PFKP: variants seen among roughly 807,000 people sequenced by gnomAD.
PFKP encodes the protein ATP-dependent 6-phosphofructokinase, platelet type.
A neutral mutation model predicts 94.3 loss-of-function variants in PFKP; 101 were observed. That is an observed-to-expected ratio of 1.07 (90% CI 0.91 to 1.26). The LOEUF (loss-of-function observed/expected upper bound fraction) is 1.26. Among genes scored for constraint, PFKP ranks in the 50% most tolerant of loss-of-function variants. The pLI is 0.00. For synonymous variants in PFKP, 573 were observed against 432.6 expected (o/e 1.32, Z -4.03); for missense variants, 1,145 against 1,103.3 (o/e 1.04, Z -0.53).
At chr10:3,117,400 C>T (rs1423639038) in intron 14 of PFKP, among the ~76,000 whole-genome samples, 2 of 152,220 alleles carry the variant, frequency 1.3e-5, no homozygotes, top group African/African-American at 2.4e-5. Context: ...GAGTAATTCT[C>T]ACCTTTGATC....
At chr10:3,092,237 T>G (rs1263168200) in intron 2 of PFKP, among the ~76,000 whole-genome samples, 2 of 152,258 alleles carry the variant, frequency 1.3e-5, no homozygotes, top group Non-Finnish European at 2.9e-5. Context: ...TTCCCTTGTT[T>G]CAGCCCTGAG....
chr10:3,124,087 C>T (rs79255210), intron 16 of PFKP, among the ~76,000 whole-genome samples: 1,934 of 151,998 alleles, frequency 0.013, 39 homozygotes, highest in African/African-American at 0.044. Context: ...TCGGCCCACA[C>T]GGGCTCCAGG....
At chr10:3,096,008 T>C (rs1428861219) in intron 2 of PFKP, among the ~76,000 whole-genome samples, 3 of 152,168 alleles carry the variant, frequency 2.0e-5, no homozygotes, top group Non-Finnish European at 4.4e-5. Context: ...AATAATGAAA[T>C]TACTTTCAGA....
chr10:3,081,159 G>A (rs12570754), intron 1 of PFKP, among the ~76,000 whole-genome samples: 17,958 of 152,208 alleles, frequency 0.12, 1,331 homozygotes, highest in East Asian at 0.32. Flanking sequence ...TCTAAAATAT[G>A]TATCCCCAAG....
Position 3,101,460 on chromosome 10 carries a change from C to T in PFKP, c.360C>T (p.Thr120=), listed in dbSNP as rs997966576. The T allele has an allele frequency of 1.2e-6, 2 of 1,610,410 alleles. No individual in the cohort carries two copies. Among genetic ancestry groups the T allele is most frequent in the Admixed American group, 3.4e-5 (2 of 59,650 alleles). Residue 120 remains threonine, a synonymous_variant, in exon 4 of 22, where the codon ACC becomes ACT. Coordinates refer to ENST00000381125, the MANE Select transcript of PFKP (RefSeq NM_002627.5). ...AACNLLQRGI[T]NLCVIGGDGS... ...GCAACCTGCTGCAGCGCGGCATCAC[C>T]AACCTGTGTGTGATCGGCGGGGACG...
rs547271961 is a variant in PFKP, at chr10:3,136,432, C to T, written c.2226-18C>T. ...CAGTGACTGCAGGCCTCACTGCTGT[C>T]TCCTCTTACCTCCACAGGCACAGGA... On this transcript the variant is annotated intron_variant, in intron 21 of 21. Coordinates refer to ENST00000381125, the MANE Select transcript of PFKP (RefSeq NM_002627.5). 30 of 1,613,156 alleles carry T rather than the reference C, an allele frequency of 1.9e-5. No homozygotes were observed. The South Asian group carries it at 3.2e-4, about 17-fold the overall frequency.
chr10:3,120,093 C>T lies in PFKP; in HGVS notation c.1683+49C>T, dbSNP rs77518387. On this transcript the variant is annotated intron_variant, in intron 16 of 21. Transcript: ENST00000381125. Reference sequence around the variant, plus strand: ...GGCGGGCGCCGGCTGACGCTAACCCCGGGGCCCCGGCCCTTTTTATCTACC... The same window carrying T: ...GGCGGGCGCCGGCTGACGCTAACCCTGGGGCCCCGGCCCTTTTTATCTACC... 4.0e-3 allele frequency: 6,370 copies of T among 1,583,058 alleles called. 22 individuals carry two copies. Among genetic ancestry groups the T allele is most frequent in the Non-Finnish European group, 5.1e-3 (5,885 of 1,155,796 alleles).
In PFKP at chr10:3,116,638, G is replaced by T. The variant is rs1249054722; in HGVS notation, c.1372-138G>T. ...TCACCTTGATTCATCCGGGCATCGTGATAAATGCTGTCTCATACGCCTCTC... is the reference window on the plus strand; with the variant it reads ...TCACCTTGATTCATCCGGGCATCGTTATAAATGCTGTCTCATACGCCTCTC... On this transcript the variant is annotated intron_variant, in intron 13 of 21. Transcript: ENST00000381125. The T allele has an allele frequency of 1.7e-5, 12 of 696,290 alleles. No homozygotes were observed. In the East Asian group the frequency reaches 3.1e-4, roughly 18 times the overall value. 43.1% of individuals were successfully genotyped at this position (696,290 alleles called of 1,614,324 possible). A position where few individuals can be genotyped will look rare whatever the true frequency, so the allele number is the denominator to read the frequency against.
intron 13 of PFKP, among the ~76,000 whole-genome samples, chr10:3,114,725 C>G (rs1467590630): frequency 6.6e-6 from 1 of 152,234 alleles, no homozygotes; most frequent in African/African-American, 2.4e-5. Flanking sequence ...AAAGGATGCT[C>G]TGGAGCTGAT....
intron 10 of PFKP, among the ~76,000 whole-genome samples, chr10:3,111,955 G>T (rs183472847): frequency 6.6e-6 from 1 of 152,332 alleles, no homozygotes; most frequent in East Asian, 1.9e-4. Flanking sequence ...AACAGCAGGT[G>T]ACACCTTCTC....
chr10:3,113,337 C>T (rs766411581), intron 12 of PFKP, 35 bp from the exon 13 acceptor site: 121 of 1,574,078 alleles, frequency 7.7e-5, no homozygotes, highest in Non-Finnish European at 8.9e-5. Context: ...CACGTGTGCC[C>T]GTGACCCAGC....
At chr10:3,127,753 TCTCCCCATCTCG>T (rs1838117816) in intron 16 of PFKP, among the ~76,000 whole-genome samples, 1 of 152,088 alleles carries the variant, frequency 6.6e-6, no homozygotes, top group Non-Finnish European at 1.5e-5. Flanking sequence ...TGCCTGTTTC[TCTCCCCATCTCG>T]GCTTCTACAC....
At chr10:3,134,277 C>T (rs1160885319) in intron 19 of PFKP, among the ~76,000 whole-genome samples, 1 of 152,124 alleles carries the variant, frequency 6.6e-6, no homozygotes, top group Non-Finnish European at 1.5e-5. Flanking sequence ...TTATTAAAAT[C>T]CTCATCTTAC....
chr10:3,107,423 A>T lies in PFKP; in HGVS notation c.870+114A>T, dbSNP rs553233607. ...GAATTATTAACTTTTTATCCTTGAT[A>T]TTTAAAACATTTTCATAATGACTCA... On this transcript the variant is annotated intron_variant, in intron 8 of 21. Transcript: ENST00000381125. 13 of 654,046 alleles carry T rather than the reference A, an allele frequency of 2.0e-5. No individual in the cohort carries two copies. The South Asian group carries it at 2.4e-4, about 12-fold the overall frequency. The allele number at this position is 654,046 out of a possible 1,614,324, so 40.5% of individuals were successfully genotyped here.
At chr10:3,112,667 C>T (rs1836366682) in intron 11 of PFKP, among the ~76,000 whole-genome samples, 1 of 152,198 alleles carries the variant, frequency 6.6e-6, no homozygotes, top group Non-Finnish European at 1.5e-5. Context: ...AAGCAATTCT[C>T]ATGTCTCAGC....
At chr10:3,082,222 C>G (rs1296142246) in intron 1 of PFKP, among the ~76,000 whole-genome samples, 166 bp from the exon 2 acceptor site, 1 of 151,986 alleles carries the variant, frequency 6.6e-6, no homozygotes, top group Non-Finnish European at 1.5e-5. Context: ...TTGGCTGTTT[C>G]TTTTAGTCCT....
chr10:3,107,751 C>CTCAT, intron 8 of PFKP: 1 of 985,074 alleles, frequency 1.0e-6, no homozygotes, highest in Non-Finnish European at 1.2e-6. Context: ...CACATTCTTA[C>CTCAT]AAAGCCACTG....
intron 14 of PFKP, 137 bp downstream of exon 14, chr10:3,116,983 C>T (rs371010399): frequency 7.4e-5 from 54 of 724,834 alleles, no homozygotes; most frequent in Middle Eastern, 3.4e-4. Context: ...AGGCAGTTAC[C>T]GGTCCTCCCT....
chr10:3,089,335 C>T (rs145535998), intron 2 of PFKP, among the ~76,000 whole-genome samples: 42 of 152,306 alleles, frequency 2.8e-4, no homozygotes, highest in Middle Eastern at 3.4e-3. Flanking sequence ...TGTGGGCGTG[C>T]ACCACGTTTT....
Sources: allele counts gnomAD v4.1 joint callset (sites outside exome capture counted in the v4.1 genomes callset), GRCh38; gene constraint gnomAD v4.1.1; transcripts MANE v1.5; gene names NCBI Gene and HGNC (gene_info 2026-07-23, HGNC 2026-07-21).